MTM1: variants seen among roughly 807,000 people sequenced by gnomAD.
MTM1 encodes the protein myotubularin.
Under a neutral mutation model 52.1 loss-of-function variants are expected in MTM1, and 9 were observed. That is an observed-to-expected ratio of 0.17 (90% CI 0.10 to 0.30). The LOEUF (loss-of-function observed/expected upper bound fraction) is 0.30. Ranked by LOEUF, MTM1 falls within the 10% of genes least tolerant of loss-of-function variation. The pLI, the probability that MTM1 is intolerant of heterozygous loss-of-function variation, is 1.00. For synonymous variants in MTM1, 136 were observed against 163.8 expected, an observed-to-expected ratio of 0.83 and a Z score of 1.29; for missense variants, 277 against 470.7, an observed-to-expected ratio of 0.59 and a Z score of 3.81.
At chrX:150,648,624 C>A (rs1320344254) in intron 9 of MTM1, among the ~76,000 whole-genome samples, 1 of 112,865 alleles carries the variant, frequency 8.9e-6, no homozygotes, top group Non-Finnish European at 1.9e-5. Flanking sequence ...AACGTTTAAG[C>A]AGAATGCAGC....
chrX:150,635,292 C>G (rs1157256873), intron 6 of MTM1, among the ~76,000 whole-genome samples: 5 of 112,310 alleles, frequency 4.5e-5, no homozygotes, highest in Non-Finnish European at 9.4e-5. Flanking sequence ...ACCCATTTAG[C>G]AAACAAGACG....
chrX:150,567,721 T>G (rs1476365210), upstream of MTM1, among the ~76,000 whole-genome samples: 1 of 110,899 alleles, frequency 9.0e-6, no homozygotes, highest in Non-Finnish European at 1.9e-5. Flanking sequence ...GCCTGGATAA[T>G]TTTTGTATTT....
chrX:150,628,252 CTG>C (rs1298538750), intron 6 of MTM1, among the ~76,000 whole-genome samples: 1 of 111,871 alleles, frequency 8.9e-6, no homozygotes, highest in Non-Finnish European at 1.9e-5. Flanking sequence ...AAAAAAGTCT[CTG>C]TTATATCCAG....
chrX:150,583,527 ATATAAAT>A (rs1557412025), intron 1 of MTM1, among the ~76,000 whole-genome samples: 15 of 31,682 alleles, frequency 4.7e-4, no homozygotes, highest in African/African-American at 2.0e-3. Flanking sequence ...TATATATTAT[ATATAAAT>A]TATATATATT....
chrX:150,652,919 C>T (rs931500203), intron 10 of MTM1, among the ~76,000 whole-genome samples: 4 of 109,799 alleles, frequency 3.6e-5, no homozygotes, highest in African/African-American at 1.3e-4. Flanking sequence ...GAGAGTAGGT[C>T]TTGTTCAATG....
intron 10 of MTM1, among the ~76,000 whole-genome samples, chrX:150,656,573 G>C (rs1215732576): frequency 6.2e-5 from 7 of 112,135 alleles, no homozygotes; most frequent in African/African-American, 2.3e-4. Flanking sequence ...TCACATCCAT[G>C]AAAATAAGTT....
rs1272033298 is a variant in MTM1, at chrX:150,613,048, A to G, written c.232-1541A>G. ...GTGGTCTCAGCTACTTGGAAGGCTG[A>G]GGTGGGAGGATCCCTTGAGCCTGGG... On this transcript the variant is annotated intron_variant, in intron 4 of 14. Transcript: ENST00000370396. Among the ~76,000 whole-genome samples the G allele has an allele frequency of 4.7e-5, 5 of 105,677 alleles. No individual in the cohort carries two copies. The East Asian group carries it at 1.6e-3, about 33-fold the overall frequency. 91.8% of individuals were successfully genotyped at this position (105,677 alleles called of 115,157 possible).
At chrX:150,590,963 T>C (rs1557412458) in intron 1 of MTM1, 2 of 640,330 alleles carry the variant, frequency 3.1e-6, no homozygotes, top group East Asian at 1.6e-4. Context: ...CAGATACATC[T>C]GACTTGCTCC....
chrX:150,563,607 C>T (rs969232030), upstream of MTM1, among the ~76,000 whole-genome samples: 13 of 105,159 alleles, frequency 1.2e-4, no homozygotes, highest in African/African-American at 4.5e-4. Context: ...TTTATTGGGC[C>T]GGGCACGATG....
At chrX:150,633,389 A>G (rs187415797) in intron 6 of MTM1, among the ~76,000 whole-genome samples, 37 of 112,208 alleles carry the variant, frequency 3.3e-4, no homozygotes, top group African/African-American at 7.8e-4. Context: ...CTGCGTCAAA[A>G]CTGATATAAA....
chrX:150,628,194 C>T (rs1215816116), intron 6 of MTM1, among the ~76,000 whole-genome samples: 2 of 111,785 alleles, frequency 1.8e-5, no homozygotes, highest in African/African-American at 6.5e-5. Flanking sequence ...CAGTGTGTTC[C>T]TCTTGCTGTC....
intron 4 of MTM1, among the ~76,000 whole-genome samples, chrX:150,605,554 T>G (rs2039141686): frequency 8.9e-6 from 1 of 112,761 alleles, no homozygotes; most frequent in South Asian, 3.6e-4. Flanking sequence ...GATGGCTCTT[T>G]TGTTGATTCT....
intron 8 of MTM1, among the ~76,000 whole-genome samples, chrX:150,645,141 C>T (rs1473040788): frequency 1.8e-5 from 2 of 111,748 alleles, no homozygotes; most frequent in African/African-American, 6.5e-5. Context: ...GATGTCCACA[C>T]TGCACTGTGG....
At chrX:150,603,823 C>T (rs2039106755) in intron 4 of MTM1, among the ~76,000 whole-genome samples, 1 of 111,464 alleles carries the variant, frequency 9.0e-6, no homozygotes, top group Non-Finnish European at 1.9e-5. Context: ...GAGTATGTAA[C>T]ATAAAAAGAT....
At chrX:150,654,730 T>C (rs1223965798) in intron 10 of MTM1, among the ~76,000 whole-genome samples, 2 of 111,720 alleles carry the variant, frequency 1.8e-5, no homozygotes, top group African/African-American at 6.5e-5. Flanking sequence ...TGGTATCCAG[T>C]AGGTAATTTT....
Position 150,618,846 on chromosome X carries a change from C to T in MTM1, c.343-192C>T, listed in dbSNP as rs7884615. Among the ~76,000 whole-genome samples, 1,100 of 110,622 alleles carry T rather than the reference C, an allele frequency of 9.9e-3. 11 individuals carry two copies. The highest frequency in any genetic ancestry group is 0.034 in the African/African-American group (1,037 of 30,374). On this transcript the variant is annotated intron_variant, in intron 5 of 14. Transcript: ENST00000370396. ...CTTGTCTTCACATTCATGGCTATGA[C>T]GGAAATATTTTCAGGTGTTCTTAAG...
chrX:150,596,859 C>T, intron 3 of MTM1: 1 of 268,276 alleles, frequency 3.7e-6, no homozygotes, highest in Non-Finnish European at 6.6e-6. Context: ...GAGCCATAAG[C>T]TCTCATGGTT....
intron 6 of MTM1, among the ~76,000 whole-genome samples, chrX:150,630,971 C>T (rs2039657017): frequency 8.9e-6 from 1 of 112,139 alleles, no homozygotes; most frequent in Admixed American, 9.4e-5. Flanking sequence ...TTAATTCCTC[C>T]AGCAATGAGT....
intron 6 of MTM1, among the ~76,000 whole-genome samples, chrX:150,638,121 C>T (rs1434071339): frequency 8.9e-6 from 1 of 112,064 alleles, no homozygotes; most frequent in Non-Finnish European, 1.9e-5. Flanking sequence ...AGGTTTTCAG[C>T]TCAATCAGCT....
Sources: gnomAD v4.1 joint callset for allele counts (sites outside exome capture counted in the v4.1 genomes callset) on GRCh38, gnomAD v4.1.1 for gene constraint, MANE v1.5 for transcripts, NCBI Gene and HGNC (gene_info 2026-07-23, HGNC 2026-07-21) for gene names.